HIVEP3: variants seen among roughly 807,000 people sequenced by gnomAD.
The protein encoded by HIVEP3 is HIVEP zinc finger 3, also known as transcription factor HIVEP3.
In HIVEP3, 49 loss-of-function variants were observed where a neutral mutation model predicts 152.8. The ratio of observed to expected loss-of-function variants is 0.32; its 90% CI spans 0.26 to 0.41. The LOEUF is 0.41. Ranked by LOEUF, HIVEP3 falls within the 10% of genes least tolerant of loss-of-function variation. The probability of loss-of-function intolerance (pLI) is 1.00; values close to 1 mark genes in which losing one functional copy is unlikely to be tolerated. For synonymous variants in HIVEP3, 1,269 were observed against 1,289.0 expected (o/e 0.98, Z 0.33); for missense variants, 2,790 against 3,103.3 (o/e 0.90, Z 2.40).
intron 2 of HIVEP3, among the ~76,000 whole-genome samples, chr1:41,645,604 T>G (rs114426945): frequency 0.016 from 2,500 of 152,292 alleles, 32 homozygotes; most frequent in Non-Finnish European, 0.022. Flanking sequence ...AAAAAACTAA[T>G]TGCATAATTA....
intron 1 of HIVEP3, among the ~76,000 whole-genome samples, chr1:41,831,576 T>C (rs897011097): frequency 2.0e-5 from 3 of 152,230 alleles, no homozygotes; most frequent in Non-Finnish European, 4.4e-5. Flanking sequence ...AGAAAAACTT[T>C]CATGTGAGAC....
At chr1:41,660,663 A>G (rs1645698403) in intron 2 of HIVEP3, among the ~76,000 whole-genome samples, 1 of 152,216 alleles carries the variant, frequency 6.6e-6, no homozygotes, top group Non-Finnish European at 1.5e-5. Context: ...TAGCCCCTGA[A>G]GCACTGTTTC....
chr1:41,586,800 T>C (rs1433557726), intron 3 of HIVEP3, among the ~76,000 whole-genome samples: 1 of 152,214 alleles, frequency 6.6e-6, no homozygotes, highest in Non-Finnish European at 1.5e-5. Flanking sequence ...TCACTCCTTT[T>C]GTGTGCCTTT....
At chr1:41,822,773 C>A (rs1399252293) in intron 1 of HIVEP3, among the ~76,000 whole-genome samples, 1 of 152,212 alleles carries the variant, frequency 6.6e-6, no homozygotes, top group Non-Finnish European at 1.5e-5. Context: ...CAACTCCAAG[C>A]GTCTTCCTAC....
intron 1 of HIVEP3, among the ~76,000 whole-genome samples, chr1:41,816,637 C>T (rs1651283922): frequency 6.6e-6 from 1 of 152,194 alleles, no homozygotes; most frequent in Admixed American, 6.5e-5. Flanking sequence ...TGAGATCCCA[C>T]CACTGCACTC....
chr1:41,793,328 T>C (rs1377186073), intron 1 of HIVEP3, among the ~76,000 whole-genome samples: 1 of 152,232 alleles, frequency 6.6e-6, no homozygotes, highest in Non-Finnish European at 1.5e-5. Flanking sequence ...CAAGCCTGGT[T>C]CTCTGACTGC....
At chr1:41,526,303 T>A (rs1490877000) in intron 5 of HIVEP3, among the ~76,000 whole-genome samples, 3 of 61,104 alleles carry the variant, frequency 4.9e-5, no homozygotes, top group African/African-American at 6.7e-5. Context: ...TCACACACAC[T>A]CACCCTCACA....
chr1:41,975,621 G>T (rs184483944), intron 1 of HIVEP3, among the ~76,000 whole-genome samples: 1 of 152,356 alleles, frequency 6.6e-6, no homozygotes, highest in East Asian at 1.9e-4. Context: ...TCATTCAGTT[G>T]GTTGGTTAGG....
At chr1:41,555,185 C>T (rs533091616) in intron 5 of HIVEP3, among the ~76,000 whole-genome samples, 6 of 152,336 alleles carry the variant, frequency 3.9e-5, no homozygotes, top group Non-Finnish European at 7.3e-5. Flanking sequence ...TGTTTACCTA[C>T]TCAAGCCTCA....
chr1:41,985,004 A>C (rs1379749369), intron 1 of HIVEP3, among the ~76,000 whole-genome samples: 1 of 152,168 alleles, frequency 6.6e-6, no homozygotes, highest in African/African-American at 2.4e-5. Context: ...TGCTTTAGAC[A>C]GAATGGCAGC....
In HIVEP3 at chr1:41,531,514, AGAGGACAGGAGAGATG is replaced by A. The variant is rs1336165280; in HGVS notation, c.5208-6620_5208-6605del. On this transcript the variant is annotated intron_variant, in intron 5 of 8. Transcript: ENST00000372583. ...AGGAGAGATGGAAGACAGGGGCGATAGAGGACAGGAGAGATGGAGGACAGGGGAGATGGAGGACAGG... is the reference window on the plus strand; with the variant it reads ...AGGAGAGATGGAAGACAGGGGCGATAGAGGACAGGGGAGATGGAGGACAGG... Among the ~76,000 whole-genome samples the A allele has an allele frequency of 4.9e-3, 259 of 53,320 alleles. 34 individuals carry two copies. The highest frequency in any genetic ancestry group is 0.028 in the Middle Eastern group (1 of 36). The allele number at this position is 53,320 out of a possible 152,430, so 35.0% of individuals were successfully genotyped here. A position where few individuals can be genotyped will look rare whatever the true frequency, so the allele number is the denominator to read the frequency against.
In HIVEP3 at chr1:41,513,520, G is replaced by A; in HGVS notation, c.5701C>T (p.Gln1901Ter). Residue 1901 changes from glutamine to a stop codon, truncating the protein, a stop_gained, in exon 8 of 9, where the codon CAG becomes TAG. Coordinates refer to ENST00000372583, the MANE Select transcript of HIVEP3 (RefSeq NM_024503.5). LOFTEE classifies it high-confidence loss of function. ...CCAGAGGCGGGGGCATCTGGGGGCT[G>A]AGGGCCCAGGATGGGTGAGGAGTCT... ...RADSSPILGP[Q>*]PPDAPASGTE... 6.2e-7 allele frequency: 1 copy of A among 1,604,380 alleles called. No homozygotes were observed. Among genetic ancestry groups the A allele is most frequent in the Non-Finnish European group, 8.5e-7 (1 of 1,175,720 alleles).
At chr1:41,714,950 A>C (rs1442354331) in intron 1 of HIVEP3, among the ~76,000 whole-genome samples, 1 of 152,026 alleles carries the variant, frequency 6.6e-6, no homozygotes, top group Non-Finnish European at 1.5e-5. Context: ...TCCCTCCGGC[A>C]CCATCTGCCC....
At chr1:41,855,637 T>C (rs1201887665) in intron 1 of HIVEP3, among the ~76,000 whole-genome samples, 1 of 152,180 alleles carries the variant, frequency 6.6e-6, no homozygotes, top group Non-Finnish European at 1.5e-5. Context: ...AAATCGATCT[T>C]TTCCTCCCCT....
At position 41,534,694 on chromosome 1, in the gene HIVEP3, C is replaced by T. The variant is rs185612280; in HGVS notation, c.5208-9784G>A. Among the ~76,000 whole-genome samples the T allele has an allele frequency of 1.3e-3, 198 of 152,326 alleles. 1 individual carries two copies. The highest frequency in any genetic ancestry group is 4.4e-3 in the African/African-American group (185 of 41,576). ...ATTAGCTGCACATCAGAGAGACCAGCGAGGCCTTCTTTCCTGGGGCCTGTG... is the reference window on the plus strand; with the variant it reads ...ATTAGCTGCACATCAGAGAGACCAGTGAGGCCTTCTTTCCTGGGGCCTGTG... On this transcript the variant is annotated intron_variant, in intron 5 of 8. Transcript: ENST00000372583.
chr1:41,955,999 T>C (rs1480940208), intron 1 of HIVEP3, among the ~76,000 whole-genome samples: 1 of 152,224 alleles, frequency 6.6e-6, no homozygotes, highest in African/African-American at 2.4e-5. Flanking sequence ...CTGAATGATT[T>C]AGGCTTGTAG....
At chr1:41,549,426 C>G (rs1430240403) in intron 5 of HIVEP3, among the ~76,000 whole-genome samples, 1 of 152,154 alleles carries the variant, frequency 6.6e-6, no homozygotes, top group Non-Finnish European at 1.5e-5. Context: ...ATTTCTAATT[C>G]TAGATCTTTG....
At chr1:42,031,437 T>C (rs1645612421) in intron 1 of HIVEP3, among the ~76,000 whole-genome samples, 1 of 152,218 alleles carries the variant, frequency 6.6e-6, no homozygotes, top group Admixed American at 6.5e-5. Context: ...TTTTTTTTAA[T>C]TGCCTACAGT....
intron 1 of HIVEP3, among the ~76,000 whole-genome samples, chr1:41,857,070 C>T (rs1365197516): frequency 1.3e-5 from 2 of 152,120 alleles, no homozygotes; most frequent in African/African-American, 2.4e-5. Context: ...CTGTGCAGCC[C>T]TTCAGGGAAT....
Sources: gnomAD v4.1 joint callset for allele counts (sites outside exome capture counted in the v4.1 genomes callset) on GRCh38, gnomAD v4.1.1 for gene constraint, MANE v1.5 for transcripts, NCBI Gene and HGNC (gene_info 2026-07-23, HGNC 2026-07-21) for gene names.